PRKN: variants seen among roughly 807,000 people sequenced by gnomAD.
The protein encoded by PRKN is E3 ubiquitin-protein ligase parkin.
A neutral mutation model predicts 59.5 loss-of-function variants in PRKN; 56 were observed. That is an observed-to-expected ratio of 0.94 (90% confidence interval 0.76 to 1.18). The LOEUF (loss-of-function observed/expected upper bound fraction) is 1.18. Among genes scored for constraint, PRKN ranks in the 50% most tolerant of loss-of-function variants. The probability of loss-of-function intolerance (pLI) is 0.00; values close to 1 mark genes in which losing one functional copy is unlikely to be tolerated. For missense variants in PRKN, 657 were observed against 596.4 expected (o/e 1.10, Z -1.06); for synonymous variants, 250 against 222.1 (o/e 1.13, Z -1.12).
intron 6 of PRKN, among the ~76,000 whole-genome samples, chr6:161,954,238 T>G (rs1224946547): frequency 2.0e-5 from 3 of 152,204 alleles, no homozygotes; most frequent in African/African-American, 7.2e-5. Context: ...TCTGTGAATG[T>G]GCTGCAGCGC....
At chr6:161,568,379 G>A (rs1430603782) in intron 8 of PRKN, among the ~76,000 whole-genome samples, 3 of 152,172 alleles carry the variant, frequency 2.0e-5, no homozygotes, top group Non-Finnish European at 2.9e-5. Context: ...GGATCATGAC[G>A]TCAGGAAATC....
At position 162,253,645 on chromosome 6, in the gene PRKN, G is replaced by T. The variant is rs147132842; in HGVS notation, c.412+8880C>A. 3.6e-3 allele frequency among the ~76,000 whole-genome samples: 550 copies of T among 152,062 alleles called. 5 individuals carry two copies. The highest frequency in any genetic ancestry group is 0.012 in the African/African-American group (518 of 41,442). On this transcript the variant is annotated intron_variant, in intron 3 of 11. Coordinates refer to ENST00000366898, the MANE Select transcript of PRKN (RefSeq NM_004562.3). The stretch of plus-strand genomic sequence containing the variant: ...AGGAACTTCTAGTCCTAGAATTCTT[G>T]GTCCACCTTTCCCCAAGATTGTATT...
intron 9 of PRKN, among the ~76,000 whole-genome samples, chr6:161,505,099 C>A (rs1778111070): frequency 6.6e-6 from 1 of 152,078 alleles, no homozygotes; most frequent in African/African-American, 2.4e-5. Context: ...GGAATCGCCA[C>A]ACTGACTTCC....
intron 7 of PRKN, among the ~76,000 whole-genome samples, chr6:161,742,855 G>A (rs908300147): frequency 6.6e-6 from 1 of 152,116 alleles, no homozygotes; most frequent in Non-Finnish European, 1.5e-5. Context: ...GAGGGGTGGC[G>A]CCCCCTCATC....
At chr6:162,015,601 C>T (rs1486636938) in intron 5 of PRKN, among the ~76,000 whole-genome samples, 2 of 152,172 alleles carry the variant, frequency 1.3e-5, no homozygotes, top group Admixed American at 6.5e-5. Flanking sequence ...TCCTCCCTTC[C>T]TTTCTCCCCT....
intron 1 of PRKN, among the ~76,000 whole-genome samples, chr6:162,449,134 G>A (rs1790467937): frequency 6.6e-6 from 1 of 151,988 alleles, no homozygotes; most frequent in African/African-American, 2.4e-5. Context: ...TGATCAATTC[G>A]CCTCAGCCTC....
chr6:161,534,604 C>A (rs1394334818), intron 9 of PRKN, among the ~76,000 whole-genome samples: 2 of 152,238 alleles, frequency 1.3e-5, no homozygotes, highest in African/African-American at 4.8e-5. Flanking sequence ...CATTCCCCTG[C>A]ACAGTTACGT....
intron 7 of PRKN, among the ~76,000 whole-genome samples, chr6:161,769,199 C>T (rs937366108): frequency 1.3e-4 from 20 of 152,294 alleles, no homozygotes; most frequent in Admixed American, 9.8e-4. Flanking sequence ...AAACCTACAT[C>T]GCAGCTTCAG....
At chr6:161,424,109 G>A (rs1462543955) in intron 9 of PRKN, among the ~76,000 whole-genome samples, 10 of 152,114 alleles carry the variant, frequency 6.6e-5, no homozygotes, top group Admixed American at 6.5e-4. Context: ...GGCCAAGGTG[G>A]GTGGATCATT....
At chr6:162,558,762 C>T (rs1410423653) in intron 1 of PRKN, among the ~76,000 whole-genome samples, 1 of 151,980 alleles carries the variant, frequency 6.6e-6, no homozygotes, top group Non-Finnish European at 1.5e-5. Flanking sequence ...CCTCAGCCTC[C>T]TCTGTACCTG....
chr6:161,647,934 A>G (rs564184292), intron 7 of PRKN, among the ~76,000 whole-genome samples: 1 of 152,222 alleles, frequency 6.6e-6, no homozygotes, highest in Non-Finnish European at 1.5e-5. Context: ...GAAATTTAGT[A>G]CGGTATGAGA....
At chr6:162,509,579 C>G (rs1375881415) in intron 1 of PRKN, among the ~76,000 whole-genome samples, 1 of 152,104 alleles carries the variant, frequency 6.6e-6, no homozygotes. Flanking sequence ...ATCCATGCAT[C>G]TCAAATCATT....
intron 4 of PRKN, among the ~76,000 whole-genome samples, chr6:162,170,407 C>A (rs930143884): frequency 5.3e-5 from 8 of 152,126 alleles, no homozygotes; most frequent in Non-Finnish European, 1.0e-4. Flanking sequence ...AATAGACATG[C>A]TACTTTTTAC....
At chr6:162,295,210 G>A (rs1245430474) in intron 2 of PRKN, among the ~76,000 whole-genome samples, 2 of 152,184 alleles carry the variant, frequency 1.3e-5, no homozygotes, top group East Asian at 3.9e-4. Flanking sequence ...TACCCATATG[G>A]AGGCTTTCTT....
intron 6 of PRKN, among the ~76,000 whole-genome samples, chr6:161,806,640 G>T (rs906314583): frequency 8.5e-5 from 13 of 152,122 alleles, no homozygotes; most frequent in African/African-American, 2.9e-4. Context: ...CCTCCACCCA[G>T]CTCTTATTCT....
chr6:161,535,216 C>T (rs112803647), intron 9 of PRKN, among the ~76,000 whole-genome samples: 34 of 152,142 alleles, frequency 2.2e-4, no homozygotes, highest in African/African-American at 8.0e-4. Flanking sequence ...TGTGGCAACA[C>T]CTTTTAATAG....
rs769230602 is a variant in PRKN, at chr6:161,785,819, C to T, written c.824G>A (p.Arg275Gln). The stretch of plus-strand genomic sequence containing the variant: ...AAGTTGAGGGTCGTGAACAAACTGC[C>T]GATCATTGAGTCTTGTCACACAGTA... ...HLYCVTRLND[R>Q]QFVHDPQLGY... The change falls in exon 7 of 12, where the codon CGG (arginine) becomes CAG (glutamine). Residue 275 changes from arginine to glutamine, a missense_variant. By Grantham distance (43) the Arg-to-Gln change is conservative (BLOSUM62 1). Transcript: ENST00000366898. The T allele has an allele frequency of 1.1e-5, 17 of 1,613,924 alleles. No individual in the cohort carries two copies. Among genetic ancestry groups the T allele is most frequent in the Non-Finnish European group, 1.4e-5 (17 of 1,179,990 alleles).
intron 1 of PRKN, among the ~76,000 whole-genome samples, chr6:162,534,163 T>C (rs1032551206): frequency 2.0e-5 from 3 of 152,136 alleles, no homozygotes; most frequent in African/African-American, 7.2e-5. Flanking sequence ...TGTCTTGACA[T>C]GATGTTCAGA....
At chr6:161,382,111 CAAAAAAAA>C in intron 10 of PRKN, among the ~76,000 whole-genome samples, 1 of 46,284 alleles carries the variant, frequency 2.2e-5, no homozygotes, top group Admixed American at 2.8e-4. Context: ...GACTCCATCT[CAAAAAAAA>C]AAAAAAAAAA....
Sources: gnomAD v4.1 joint callset for allele counts (sites outside exome capture counted in the v4.1 genomes callset) on GRCh38, gnomAD v4.1.1 for gene constraint, MANE v1.5 for transcripts, NCBI Gene and HGNC (gene_info 2026-07-23, HGNC 2026-07-21) for gene names.